The following DCLK2 variants were observed in gnomAD, a reference collection of about 807,000 sequenced individuals.
DCLK2 encodes the protein doublecortin like kinase 2.
A neutral mutation model predicts 78.4 loss-of-function variants in DCLK2; 31 were observed. The observed-to-expected ratio is 0.40, with a 90% CI of 0.30 to 0.53. DCLK2 has a LOEUF of 0.53. Ranked by LOEUF, DCLK2 falls within the 20% of genes least tolerant of loss-of-function variation. The pLI is 0.61. For missense variants in DCLK2, 872 were observed against 973.7 expected (o/e 0.90, Z 1.39); for synonymous variants, 407 against 374.9 (o/e 1.09, Z -0.99).
chr4:150,128,136 A>G (rs1253693857), intron 2 of DCLK2, among the ~76,000 whole-genome samples: 3 of 152,106 alleles, frequency 2.0e-5, no homozygotes, highest in Non-Finnish European at 4.4e-5. Flanking sequence ...GGGGTATGCT[A>G]CTGGCATTAA....
rs142879867 is a variant in DCLK2 at position 150,091,271 on chromosome 4, C to T, written c.422-11207C>T. ...TGTAGAGGCAAATATGCTCGAATATCTTTTCCTTGGTTACATTCTTTTGGA... is the reference window on the plus strand; with the variant it reads ...TGTAGAGGCAAATATGCTCGAATATTTTTTCCTTGGTTACATTCTTTTGGA... On this transcript the variant is annotated intron_variant, in intron 1 of 15. Coordinates refer to ENST00000296550, the MANE Select transcript of DCLK2 (RefSeq NM_001040260.4). Among the ~76,000 whole-genome samples, 384 of 152,284 alleles carry T rather than the reference C, an allele frequency of 2.5e-3. 2 individuals are homozygous for T. The highest frequency in any genetic ancestry group is 9.1e-3 in the African/African-American group (378 of 41,536).
intron 2 of DCLK2, among the ~76,000 whole-genome samples, chr4:150,191,220 A>G (rs567351694): frequency 6.6e-6 from 1 of 152,220 alleles, no homozygotes; most frequent in East Asian, 1.9e-4. Flanking sequence ...CATGGCAAAG[A>G]CAGGGTTGGG....
rs1742450140 is a variant in DCLK2, at chr4:150,235,736, C to T, written c.1566+2908C>T. 2.0e-5 allele frequency among the ~76,000 whole-genome samples: 3 copies of T among 152,156 alleles called. No individual in the cohort carries two copies. The South Asian group carries it at 6.2e-4, about 32-fold the overall frequency. ...GTATTGGCCTGGGAGGAGAGGGTGC[C>T]ATTGAGATACTAAAAGTAAATACCC... is the stretch of plus-strand genomic sequence containing the variant. On this transcript the variant is annotated intron_variant, in intron 10 of 15. Transcript: ENST00000296550.
chr4:150,234,543 A>C (rs988739383), intron 10 of DCLK2, among the ~76,000 whole-genome samples: 3 of 152,226 alleles, frequency 2.0e-5, no homozygotes, highest in Non-Finnish European at 4.4e-5. Context: ...GCATTGATGC[A>C]CAGCATCTGA....
At position 150,256,020 on chromosome 4, in the gene DCLK2, A is replaced by C. The variant is rs142698829; in HGVS notation, c.2074A>C (p.Asn692His). 2,078 of 1,611,944 alleles carry C rather than the reference A, an allele frequency of 1.3e-3. 7 individuals carry two copies. Among genetic ancestry groups the C allele is most frequent in the South Asian group, 5.2e-3 (476 of 90,892 alleles). Residue 692 changes from asparagine to histidine, a missense_variant and splice_region_variant, in exon 16 of 16, where the codon AAC becomes CAC. Physicochemically the swap from Asn to His is moderately conservative, Grantham distance 68 (BLOSUM62 1). Transcript: ENST00000296550. ...STTTGVSVIMNTALDKEGQIF... is the reference protein window; with the variant it reads ...STTTGVSVIMHTALDKEGQIF... ...GTTGTCTCTGCTGTTTCCTCCTCAGAACACGGCTCTAGATAAGGAGGGGCA... is the reference window on the plus strand; with the variant it reads ...GTTGTCTCTGCTGTTTCCTCCTCAGCACACGGCTCTAGATAAGGAGGGGCA...
chr4:150,170,947 T>A (rs1311014757), intron 2 of DCLK2, among the ~76,000 whole-genome samples: 2 of 152,112 alleles, frequency 1.3e-5, no homozygotes, highest in Non-Finnish European at 2.9e-5. Context: ...AAAAAAAAAA[T>A]TCTGCCCAGT....
At chr4:150,153,845 A>G (rs2150232685) in intron 2 of DCLK2, among the ~76,000 whole-genome samples, 1 of 152,264 alleles carries the variant, frequency 6.6e-6, no homozygotes, top group African/African-American at 2.4e-5. Context: ...GAAAACCAGG[A>G]AGCCCAAGTG....
intron 2 of DCLK2, among the ~76,000 whole-genome samples, chr4:150,114,000 C>T (rs1460231796): frequency 6.6e-6 from 1 of 152,114 alleles, no homozygotes; most frequent in African/African-American, 2.4e-5. Flanking sequence ...TCAGTGTTAA[C>T]TCAAAAATTA....
At chr4:150,195,396 A>ATTATATATTATATATAATAT (rs1337410926) in intron 3 of DCLK2, among the ~76,000 whole-genome samples, 2 of 1,698 alleles carry the variant, frequency 1.2e-3, no homozygotes, top group African/African-American at 2.6e-3. Context: ...TATATTATAT[A>ATTATATATTATATATAATAT]ATATTATATA....
intron 5 of DCLK2, among the ~76,000 whole-genome samples, chr4:150,215,701 G>A (rs1275074361): frequency 1.3e-5 from 2 of 152,178 alleles, no homozygotes; most frequent in African/African-American, 4.8e-5. Flanking sequence ...TCATTACATA[G>A]GCATGATTGA....
intron 2 of DCLK2, among the ~76,000 whole-genome samples, chr4:150,109,700 C>T (rs1454672229): frequency 6.6e-6 from 1 of 152,150 alleles, no homozygotes; most frequent in African/African-American, 2.4e-5. Flanking sequence ...AATACATTCG[C>T]ACTTGCAAAG....
At chr4:150,190,344 G>GA (rs1738360244) in intron 2 of DCLK2, among the ~76,000 whole-genome samples, 2 of 152,114 alleles carry the variant, frequency 1.3e-5, no homozygotes, top group African/African-American at 4.8e-5. Context: ...AAAGGCCTGG[G>GA]AAACAGTGTG....
At chr4:150,109,790 A>G (rs1306073055) in intron 2 of DCLK2, among the ~76,000 whole-genome samples, 10 of 152,312 alleles carry the variant, frequency 6.6e-5, no homozygotes, top group South Asian at 4.1e-4. Context: ...AACTAGTAGG[A>G]TATTTCTGTT....
chr4:150,162,594 T>C (rs145035826), intron 2 of DCLK2, among the ~76,000 whole-genome samples: 78 of 152,266 alleles, frequency 5.1e-4, no homozygotes, highest in African/African-American at 1.6e-3. Context: ...GTCTTAATTA[T>C]GTTTCTGAGC....
intron 2 of DCLK2, among the ~76,000 whole-genome samples, chr4:150,178,642 G>A (rs1737264307): frequency 6.6e-6 from 1 of 152,072 alleles, no homozygotes; most frequent in African/African-American, 2.4e-5. Context: ...CCAAAATCTT[G>A]TTTGCAGCAC....
intron 2 of DCLK2, among the ~76,000 whole-genome samples, chr4:150,136,186 A>G (rs985539325): frequency 2.0e-5 from 3 of 152,218 alleles, no homozygotes; most frequent in African/African-American, 4.8e-5. Flanking sequence ...AGGTTGATGT[A>G]TGGGTGTCAT....
intron 10 of DCLK2, among the ~76,000 whole-genome samples, chr4:150,236,111 C>T (rs572710887): frequency 4.4e-4 from 67 of 152,280 alleles, no homozygotes; most frequent in African/African-American, 1.5e-3. Flanking sequence ...ACACAGTGTT[C>T]ATTTTGTATG....
intron 5 of DCLK2, among the ~76,000 whole-genome samples, chr4:150,206,609 A>AT (rs1312678017): frequency 1.3e-5 from 2 of 152,208 alleles, no homozygotes; most frequent in Non-Finnish European, 2.9e-5. Context: ...AATGCTAGGA[A>AT]TATAGTTCTG....
At chr4:150,113,000 A>C (rs981098727) in intron 2 of DCLK2, among the ~76,000 whole-genome samples, 1 of 151,830 alleles carries the variant, frequency 6.6e-6, no homozygotes, top group Non-Finnish European at 1.5e-5. Context: ...TAGTAGAGAC[A>C]GAGTTTTGTC....
Sources: gnomAD v4.1 joint callset for allele counts (sites outside exome capture counted in the v4.1 genomes callset) on GRCh38, gnomAD v4.1.1 for gene constraint, MANE v1.5 for transcripts, NCBI Gene and HGNC (gene_info 2026-07-23, HGNC 2026-07-21) for gene names.